The following BRAF variants were observed in gnomAD, a reference collection of about 807,000 sequenced individuals.
BRAF encodes the protein B-Raf proto-oncogene, serine/threonine kinase, also known as serine/threonine-protein kinase B-raf.
A neutral mutation model predicts 104.6 loss-of-function variants in BRAF; 16 were observed. The ratio of observed to expected loss-of-function variants is 0.15; its 90% CI spans 0.10 to 0.23. The LOEUF (loss-of-function observed/expected upper bound fraction) is 0.23, where lower values mean the gene tolerates loss of function less well. Ranked by LOEUF, BRAF falls within the 10% of genes least tolerant of loss-of-function variation. The probability of loss-of-function intolerance (pLI) is 1.00; values close to 1 mark genes in which losing one functional copy is unlikely to be tolerated. For missense variants in BRAF, 541 were observed against 937.3 expected, an observed-to-expected ratio of 0.58 and a Z score of 5.52; for synonymous variants, 310 against 341.6, an observed-to-expected ratio of 0.91 and a Z score of 1.02.
rs181637901 is a variant in BRAF at position 140,910,411 on chromosome 7, C to T, written c.138+14155G>A. ...TGTTATCCACTTTGGTGGTTAATCA[C>T]GTGCTGCCATATGCATGCTTTGTCT... On this transcript the variant is annotated intron_variant, in intron 1 of 19. Transcript: ENST00000644969. Among the ~76,000 whole-genome samples the T allele has an allele frequency of 4.6e-5, 7 of 152,310 alleles. No individual in the cohort carries two copies. In the East Asian group the frequency reaches 9.6e-4, roughly 21 times the overall value.
In BRAF at chr7:140,720,032, CATG is replaced by C; in HGVS notation, c.*6459_*6461del. The C allele has an allele frequency of 7.5e-6, 8 of 1,061,582 alleles. No individual in the cohort carries two copies. Among genetic ancestry groups the C allele is most frequent in the Non-Finnish European group, 9.1e-6 (8 of 876,946 alleles). 65.8% of individuals were successfully genotyped at this position (1,061,582 alleles called of 1,614,324 possible). A position where few individuals can be genotyped will look rare whatever the true frequency, so the allele number is the denominator to read the frequency against. On this transcript the variant is annotated 3_prime_UTR_variant, in exon 20 of 20. Coordinates refer to ENST00000644969, the MANE Select transcript of BRAF (RefSeq NM_001374258.1). Reference sequence around the variant, plus strand: ...AGTCATGTCCTCAAACCAAGGAATACATGAAAAGGGGGGATTTCCTTTTTCTTG... The same window carrying C: ...AGTCATGTCCTCAAACCAAGGAATACAAAAGGGGGGATTTCCTTTTTCTTG...
intron 1 of BRAF, among the ~76,000 whole-genome samples, chr7:140,906,019 C>T (rs893249192): frequency 8.0e-6 from 1 of 124,648 alleles, no homozygotes; most frequent in African/African-American, 3.2e-5. Flanking sequence ...ACCCGGGAGG[C>T]GGAGCTTGCA....
chr7:140,758,134 C>T (rs1798358509), intron 14 of BRAF: 1 of 152,158 alleles, frequency 6.6e-6, no homozygotes, highest in Admixed American at 6.5e-5. Flanking sequence ...CCTCTTTCAC[C>T]TAATACTGCA....
At chr7:140,781,902 T>A (rs915889896) in intron 11 of BRAF, among the ~76,000 whole-genome samples, 3 of 152,070 alleles carry the variant, frequency 2.0e-5, no homozygotes, top group Non-Finnish European at 4.4e-5. Flanking sequence ...ATGGAAAAAA[T>A]TTATTTTTAT....
chr7:140,867,089 AT>A (rs1273969825), intron 1 of BRAF, among the ~76,000 whole-genome samples: 1 of 152,148 alleles, frequency 6.6e-6, no homozygotes, highest in East Asian at 1.9e-4. Context: ...GTGATAAAAA[AT>A]ATTATGCAAT....
chr7:140,857,048 G>A (rs1156804702), intron 1 of BRAF, among the ~76,000 whole-genome samples: 1 of 152,140 alleles, frequency 6.6e-6, no homozygotes, highest in Non-Finnish European at 1.5e-5. Context: ...ACCTGTAAAT[G>A]TTATCCTATG....
At chr7:140,913,366 A>T (rs1180159460) in intron 1 of BRAF, among the ~76,000 whole-genome samples, 1 of 151,982 alleles carries the variant, frequency 6.6e-6, no homozygotes, top group East Asian at 1.9e-4. Context: ...TAGGCACTCA[A>T]ATATTTACTG....
chr7:140,721,830 C>A lies in BRAF; in HGVS notation c.*4664G>T. 1 of 1,365,690 alleles carries A rather than the reference C, an allele frequency of 7.3e-7. No individual in the cohort carries two copies. Among genetic ancestry groups the A allele is most frequent in the Non-Finnish European group, 9.4e-7 (1 of 1,061,668 alleles). 84.6% of individuals were successfully genotyped at this position (1,365,690 alleles called of 1,614,324 possible). ...CAGGTCATAAAGGATGCCTTGAGACCTCCACCCTGGCCCCCACAGCGCTTT... is the reference window on the plus strand; with the variant it reads ...CAGGTCATAAAGGATGCCTTGAGACATCCACCCTGGCCCCCACAGCGCTTT... On this transcript the variant is annotated 3_prime_UTR_variant, in exon 20 of 20. Coordinates refer to ENST00000644969, the MANE Select transcript of BRAF (RefSeq NM_001374258.1).
rs936898214 is a variant in BRAF at position 140,893,818 on chromosome 7, G to T, written c.138+30748C>A. On this transcript the variant is annotated intron_variant, in intron 1 of 19. Transcript: ENST00000644969. ...CTATCACTATCAAATGCATTTTAGG[G>T]GAAAAAAATGACTGAAAAAACAAAA... Among the ~76,000 whole-genome samples the T allele has an allele frequency of 2.0e-5, 3 of 151,984 alleles. No homozygotes were observed. In the East Asian group the frequency reaches 5.8e-4, roughly 29 times the overall value.
chr7:140,901,841 G>A (rs1171492778), intron 1 of BRAF, among the ~76,000 whole-genome samples: 2 of 152,190 alleles, frequency 1.3e-5, no homozygotes, highest in African/African-American at 4.8e-5. Flanking sequence ...TTTCATCACA[G>A]TACACTGTCC....
At chr7:140,753,531 C>T (rs1586015847) in intron 15 of BRAF, 138 bp from the exon 15 acceptor site, 1 of 624,842 alleles carries the variant, frequency 1.6e-6, no homozygotes, top group Non-Finnish European at 2.8e-6. Flanking sequence ...TTCATCTTTC[C>T]TCTTAGAGTC....
chr7:140,863,955 C>A (rs181148256), intron 1 of BRAF, among the ~76,000 whole-genome samples: 1 of 152,240 alleles, frequency 6.6e-6, no homozygotes, highest in East Asian at 1.9e-4. Flanking sequence ...ATAAATATAC[C>A]ATCCCATTTT....
intron 5 of BRAF, among the ~76,000 whole-genome samples, chr7:140,802,665 A>C (rs1160326050): frequency 6.6e-6 from 1 of 152,104 alleles, no homozygotes; most frequent in Non-Finnish European, 1.5e-5. Flanking sequence ...TTAAAATAGA[A>C]GTTTATAGAA....
chr7:140,751,787 T>C (rs1159739231), intron 16 of BRAF, among the ~76,000 whole-genome samples: 1 of 152,210 alleles, frequency 6.6e-6, no homozygotes, highest in Admixed American at 6.5e-5. Flanking sequence ...AGTCCTATCT[T>C]GGACTTCCCT....
chr7:140,861,662 G>A (rs1293379307), intron 1 of BRAF, among the ~76,000 whole-genome samples: 4 of 152,178 alleles, frequency 2.6e-5, no homozygotes, highest in Non-Finnish European at 4.4e-5. Context: ...TCAGGATAAT[G>A]GTTACTTCTG....
At chr7:140,751,478 CTT>C (rs1797783487) in intron 16 of BRAF, among the ~76,000 whole-genome samples, 1 of 152,004 alleles carries the variant, frequency 6.6e-6, no homozygotes, top group African/African-American at 2.4e-5. Context: ...TTTTCTATCA[CTT>C]ATAATTATTA....
rs528945925 is a variant in BRAF at position 140,810,344 on chromosome 7, G to A, written c.505-1349C>T. On this transcript the variant is annotated intron_variant, in intron 3 of 19. Transcript: ENST00000644969. ...AACACTTTGGGAGGCCAAGGTGGGT[G>A]GATCATTTGAGGTCAGGAGTTCGAG... Among the ~76,000 whole-genome samples the A allele has an allele frequency of 1.7e-4, 26 of 152,250 alleles. 1 individual carries two copies. In the East Asian group the frequency reaches 5.0e-3, roughly 29 times the overall value.
At chr7:140,790,963 T>C (rs562371076) in intron 8 of BRAF, among the ~76,000 whole-genome samples, 2 of 152,140 alleles carry the variant, frequency 1.3e-5, no homozygotes, top group Non-Finnish European at 2.9e-5. Context: ...TAGCTGGGCA[T>C]GATGGCGGGA....
intron 1 of BRAF, among the ~76,000 whole-genome samples, chr7:140,909,765 C>G (rs375393174): frequency 6.6e-6 from 1 of 152,086 alleles, no homozygotes; most frequent in South Asian, 2.1e-4. Flanking sequence ...CTAGATGGTG[C>G]CACTGCATTT....
Sources: allele counts gnomAD v4.1 joint callset (sites outside exome capture counted in the v4.1 genomes callset), GRCh38; gene constraint gnomAD v4.1.1; transcripts MANE v1.5; gene names NCBI Gene and HGNC (gene_info 2026-07-23, HGNC 2026-07-21).